Variants in TMEM108 observed in about 807,000 individuals in gnomAD.
The protein encoded by TMEM108 is cancer/testis antigen 124.
In TMEM108, 12 loss-of-function variants were observed where a neutral mutation model predicts 35.1. The observed-to-expected ratio is 0.34, with a 90% CI of 0.22 to 0.55. The LOEUF (loss-of-function observed/expected upper bound fraction) is 0.55, where lower values mean the gene tolerates loss of function less well. TMEM108 is among the 20% of genes least tolerant of loss of function. The pLI is 0.89. For missense variants in TMEM108, 680 were observed against 753.3 expected, an observed-to-expected ratio of 0.90 and a Z score of 1.14; for synonymous variants, 287 against 308.6, an observed-to-expected ratio of 0.93 and a Z score of 0.73.
intron 2 of TMEM108, chr3:133,074,472 C>A (rs1943716437): frequency 6.6e-6 from 1 of 152,138 alleles, no homozygotes; most frequent in Admixed American, 6.6e-5. Context: ...TGGGAAAAAT[C>A]ATCTAACACA....
chr3:133,115,469 A>G (rs913825863), intron 2 of TMEM108, among the ~76,000 whole-genome samples: 2 of 152,226 alleles, frequency 1.3e-5, no homozygotes, highest in Non-Finnish European at 2.9e-5. Context: ...GAGGAAACTG[A>G]GGTTCAAAGA....
In TMEM108 at chr3:133,208,037, A is replaced by G. The variant is rs367875039; in HGVS notation, c.-46-21229A>G. On this transcript the variant is annotated intron_variant, in intron 2 of 5. Transcript: ENST00000321871. The stretch of plus-strand genomic sequence containing the variant: ...TGTTGGTCCTATATAAAGGTATATT[A>G]TTTATCCAAGGTCACAGTTGTACAG... 4.1e-4 allele frequency among the ~76,000 whole-genome samples: 63 copies of G among 152,306 alleles called. 1 individual carries two copies. The South Asian group carries it at 6.2e-3, about 15-fold the overall frequency.
intron 3 of TMEM108, among the ~76,000 whole-genome samples, chr3:133,237,281 C>G (rs1946252399): frequency 6.6e-6 from 1 of 152,066 alleles, no homozygotes; most frequent in Non-Finnish European, 1.5e-5. Flanking sequence ...TGACTTTCCT[C>G]CCACCCTACC....
chr3:133,282,845 G>A (rs565018846), intron 3 of TMEM108, among the ~76,000 whole-genome samples: 1 of 152,228 alleles, frequency 6.6e-6, no homozygotes, highest in African/African-American at 2.4e-5. Context: ...TAAAAAAAAA[G>A]TACCACTATT....
intron 1 of TMEM108, among the ~76,000 whole-genome samples, chr3:133,042,025 T>C (rs2272016): frequency 0.62 from 93,598 of 152,132 alleles, 29,650 homozygotes; most frequent in African/African-American, 0.77. Flanking sequence ...TTAGTTAATG[T>C]GGACCTTTCA....
rs189377704 is a variant in TMEM108 at position 133,280,182 on chromosome 3, C to A, written c.40+50831C>A. ...AGATGCTGCCTATCTGAGATAGACTCCAAGACAGAGGGAAAGAAACAGTGC... is the reference window on the plus strand; with the variant it reads ...AGATGCTGCCTATCTGAGATAGACTACAAGACAGAGGGAAAGAAACAGTGC... On this transcript the variant is annotated intron_variant, in intron 3 of 5. Transcript: ENST00000321871. 1.1e-3 allele frequency among the ~76,000 whole-genome samples: 168 copies of A among 152,158 alleles called. 1 individual carries two copies. The highest frequency in any genetic ancestry group is 5.1e-4 in the Non-Finnish European group (35 of 68,024).
Position 133,381,194 on chromosome 3 carries a change from C to G in TMEM108, c.1450+33C>G, listed in dbSNP as rs369991069. The G allele has an allele frequency of 1.9e-4, 297 of 1,547,438 alleles. 1 individual carries two copies. The highest frequency in any genetic ancestry group is 2.5e-4 in the Non-Finnish European group (283 of 1,140,766). On this transcript the variant is annotated intron_variant, in intron 4 of 5. Transcript: ENST00000321871. ...CCGCCCTCTCCCACCCATCCTCTCC[C>G]TCTACCACATCACTGGCTCAACCCC...
intron 2 of TMEM108, among the ~76,000 whole-genome samples, chr3:133,205,805 T>C (rs988096995): frequency 6.6e-6 from 1 of 152,218 alleles, no homozygotes; most frequent in Non-Finnish European, 1.5e-5. Context: ...GGAGTATCTT[T>C]GTGGTGCTCT....
chr3:133,073,512 A>T (rs9873338), intron 2 of TMEM108, among the ~76,000 whole-genome samples: 2 of 50,898 alleles, frequency 3.9e-5, no homozygotes, highest in South Asian at 5.5e-4. Context: ...CTCTCTCTCT[A>T]TATATATATA....
At chr3:133,294,119 CT>C (rs1250707730) in intron 3 of TMEM108, among the ~76,000 whole-genome samples, 1 of 152,154 alleles carries the variant, frequency 6.6e-6, no homozygotes, top group Admixed American at 6.5e-5. Flanking sequence ...ACTAGAAGTG[CT>C]TTTCTGGGTA....
intron 3 of TMEM108, among the ~76,000 whole-genome samples, chr3:133,363,326 G>A (rs1307544204): frequency 1.3e-5 from 2 of 152,068 alleles, no homozygotes; most frequent in Non-Finnish European, 2.9e-5. Flanking sequence ...ATTCCCAGGT[G>A]ATACCGATGC....
Position 133,217,218 on chromosome 3 carries a change from C to A in TMEM108, c.-46-12048C>A, listed in dbSNP as rs552162698. On this transcript the variant is annotated intron_variant, in intron 2 of 5. Coordinates refer to ENST00000321871, the MANE Select transcript of TMEM108 (RefSeq NM_023943.4). ...AGCATTTTTTCATGAACCTCTGGACCATGGGTATATCCTCTTTTGAGAAAT... is the reference window on the plus strand; with the variant it reads ...AGCATTTTTTCATGAACCTCTGGACAATGGGTATATCCTCTTTTGAGAAAT... Among the ~76,000 whole-genome samples the A allele has an allele frequency of 2.6e-5, 4 of 152,066 alleles. 1 individual carries two copies. Among genetic ancestry groups the A allele is most frequent in the African/African-American group, 9.6e-5 (4 of 41,548 alleles).
intron 2 of TMEM108, among the ~76,000 whole-genome samples, chr3:133,225,905 T>C (rs939974694): frequency 6.6e-6 from 1 of 152,172 alleles, no homozygotes; most frequent in African/African-American, 2.4e-5. Flanking sequence ...CTGAGCCAAA[T>C]GTGAGGACCA....
At chr3:133,266,785 C>T (rs1314914680) in intron 3 of TMEM108, among the ~76,000 whole-genome samples, 2 of 151,844 alleles carry the variant, frequency 1.3e-5, no homozygotes, top group African/African-American at 4.8e-5. Flanking sequence ...AAAGAATGCC[C>T]AAGGTGGCCG....
At chr3:133,367,992 CT>C (rs940748813) in intron 3 of TMEM108, among the ~76,000 whole-genome samples, 21 of 152,288 alleles carry the variant, frequency 1.4e-4, no homozygotes, top group African/African-American at 4.8e-4. Context: ...CCTTTTCTGG[CT>C]TTGGAGAATT....
At chr3:133,239,330 A>G (rs915486607) in intron 3 of TMEM108, among the ~76,000 whole-genome samples, 7 of 152,174 alleles carry the variant, frequency 4.6e-5, no homozygotes, top group African/African-American at 1.7e-4. Flanking sequence ...GAGGGCATCC[A>G]CTTCATTGAC....
intron 3 of TMEM108, among the ~76,000 whole-genome samples, chr3:133,302,101 C>T (rs560976431): frequency 2.1e-4 from 32 of 152,314 alleles, no homozygotes; most frequent in South Asian, 1.0e-3. Flanking sequence ...TGTGATCTTG[C>T]CACTATCATT....
chr3:133,268,697 C>A (rs903917834), intron 3 of TMEM108, among the ~76,000 whole-genome samples: 2 of 152,104 alleles, frequency 1.3e-5, no homozygotes, highest in African/African-American at 2.4e-5. Flanking sequence ...GCAGAGGAAA[C>A]CTACTGAATA....
chr3:133,108,502 G>A (rs988158796), intron 2 of TMEM108, among the ~76,000 whole-genome samples: 3 of 151,842 alleles, frequency 2.0e-5, no homozygotes, highest in Admixed American at 1.3e-4. Context: ...TGAGTTCACT[G>A]TAGATTCTGG....
Sources: allele counts gnomAD v4.1 joint callset (sites outside exome capture counted in the v4.1 genomes callset), GRCh38; gene constraint gnomAD v4.1.1; transcripts MANE v1.5; gene names NCBI Gene and HGNC (gene_info 2026-07-23, HGNC 2026-07-21).